WFDC3: variants seen among roughly 807,000 people sequenced by gnomAD.
WFDC3 encodes the protein WAP four-disulfide core domain 3, also known as WAP four-disulfide core domain protein 3.
WFDC3 carries 15 observed loss-of-function variants against 25.8 expected under a neutral mutation model. The ratio of observed to expected loss-of-function variants is 0.58; its 90% CI spans 0.39 to 0.89. WFDC3 has a LOEUF of 0.89. WFDC3 is among the 40% of genes least tolerant of loss of function. The pLI, the probability that WFDC3 is intolerant of heterozygous loss-of-function variation, is 0.00. For missense variants in WFDC3, 264 were observed against 289.8 expected, an observed-to-expected ratio of 0.91 and a Z score of 0.65; for synonymous variants, 103 against 107.1, an observed-to-expected ratio of 0.96 and a Z score of 0.24.
chr20:45,781,858 T>A (rs1601013842), intron 4 of WFDC3, among the ~76,000 whole-genome samples: 1 of 152,124 alleles, frequency 6.6e-6, no homozygotes, highest in South Asian at 2.1e-4. Flanking sequence ...AAATCCAAGT[T>A]CCCAGAAGCC....
chr20:45,786,216 C>T (rs1980661486), intron 4 of WFDC3, among the ~76,000 whole-genome samples: 1 of 152,058 alleles, frequency 6.6e-6, no homozygotes, highest in Admixed American at 6.6e-5. Flanking sequence ...ATGGTGAGAC[C>T]CCATCTCTCC....
chr20:45,776,346 G>A (rs1337101132), intron 5 of WFDC3, among the ~76,000 whole-genome samples: 1 of 142,404 alleles, frequency 7.0e-6, no homozygotes, highest in Non-Finnish European at 1.5e-5. Flanking sequence ...GGTGGCTCAC[G>A]CCTGTAATTC....
At chr20:45,779,635 C>T (rs1980349517) in intron 4 of WFDC3, among the ~76,000 whole-genome samples, 1 of 152,144 alleles carries the variant, frequency 6.6e-6, no homozygotes, top group Non-Finnish European at 1.5e-5. Context: ...TTCTATCTCA[C>T]AGCTGAGAAG....
rs1980088320 is a variant in WFDC3 at position 45,775,434 on chromosome 20, C to T, written c.662G>A (p.Arg221Lys). 3 of 1,614,040 alleles carry T rather than the reference C, an allele frequency of 1.9e-6. No homozygotes were observed. The highest frequency in any genetic ancestry group is 1.3e-5 in the African/African-American group (1 of 74,932). ...KLTMNPNWTVRSDSELEIPVP is the reference protein window; with the variant it reads ...KLTMNPNWTVKSDSELEIPVP ...GTACTCACCTAATTCGGAATCAGAC[C>T]TCACAGTCCAGTTGGGGTTCATGGT... is the stretch of plus-strand genomic sequence containing the variant. The change falls in exon 6 of 7, where the codon AGG becomes AAG. Residue 221 changes from arginine to lysine, a missense_variant. By Grantham distance (26) the Arg-to-Lys change is conservative. Transcript: ENST00000243938.
rs561215378 is a variant in WFDC3, at chr20:45,789,929, C to T, written c.47G>A (p.Gly16Glu). The T allele has an allele frequency of 6.1e-5, 99 of 1,613,902 alleles. No individual in the cohort carries two copies. The highest frequency in any genetic ancestry group is 1.1e-4 in the East Asian group (5 of 44,882). The change falls in exon 2 of 7, where the codon GGG (glycine) becomes GAG (glutamate). Residue 16 changes from glycine to glutamate, a missense_variant. Coordinates refer to ENST00000243938, the MANE Select transcript of WFDC3 (RefSeq NM_080614.2). The part of the protein sequence containing the change: ...LFLLKALLAL[G>E]SLESWITAGE... Reference sequence around the variant, plus strand: ...TGCAGTTATCCAGGATTCCAGAGACCCAAGAGCAAGAAGTGCCTTCAGAAG... The same window carrying T: ...TGCAGTTATCCAGGATTCCAGAGACTCAAGAGCAAGAAGTGCCTTCAGAAG...
At chr20:45,784,039 T>C (rs1199812865) in intron 4 of WFDC3, among the ~76,000 whole-genome samples, 10 of 152,232 alleles carry the variant, frequency 6.6e-5, no homozygotes, top group Non-Finnish European at 4.4e-5. Flanking sequence ...CTATCTGGGC[T>C]GGCCAGGGGC....
At chr20:45,780,951 C>T (rs1980414243) in intron 4 of WFDC3, among the ~76,000 whole-genome samples, 1 of 151,998 alleles carries the variant, frequency 6.6e-6, no homozygotes, top group African/African-American at 2.4e-5. Flanking sequence ...CTTTAAACCA[C>T]ATCATGGGCC....
rs1216012810 is a variant in WFDC3, at chr20:45,789,945, C to T, written c.31G>A (p.Ala11Thr). MMLSCLFLLK[A>T]LLALGSLESW... ...TCCAGAGACCCAAGAGCAAGAAGTG[C>T]CTTCAGAAGAAAGAGGCAGCTTAAC... The change falls in exon 2 of 7, where the codon GCA (alanine) becomes ACA (threonine). Residue 11 changes from alanine to threonine, a missense_variant. By Grantham distance (58) the Ala-to-Thr change is moderately conservative. Transcript: ENST00000243938. The T allele has an allele frequency of 7.4e-6, 12 of 1,614,102 alleles. No individual in the cohort carries two copies. The highest frequency in any genetic ancestry group is 1.0e-5 in the Non-Finnish European group (12 of 1,180,000).
chr20:45,782,247 C>A (rs991381195), intron 4 of WFDC3, among the ~76,000 whole-genome samples: 2 of 152,190 alleles, frequency 1.3e-5, no homozygotes, highest in African/African-American at 4.8e-5. Flanking sequence ...CTTGATACCC[C>A]GTCTCCCTCA....
intron 4 of WFDC3, among the ~76,000 whole-genome samples, chr20:45,783,785 G>A (rs1028767989): frequency 2.2e-4 from 33 of 152,142 alleles, no homozygotes; most frequent in African/African-American, 5.5e-4. Flanking sequence ...TAAGGAAAGC[G>A]AAATTTTTCA....
chr20:45,774,501 A>G (rs568514781), intron 6 of WFDC3, 57 bp from the exon 7 acceptor site: 20 of 1,613,382 alleles, frequency 1.2e-5, no homozygotes, highest in Non-Finnish European at 1.4e-5. Flanking sequence ...CAGCTACCTG[A>G]AATGTTTTCC....
rs529787248 is a variant in WFDC3, at chr20:45,782,676, G to A, written c.358+5160C>T. Among the ~76,000 whole-genome samples, 135 of 152,088 alleles carry A rather than the reference G, an allele frequency of 8.9e-4. 2 individuals carry two copies. The highest frequency in any genetic ancestry group is 3.2e-3 in the African/African-American group (131 of 41,490). On this transcript the variant is annotated intron_variant, in intron 4 of 6. Coordinates refer to ENST00000243938, the MANE Select transcript of WFDC3 (RefSeq NM_080614.2). ...CAGGCATCAGCCACTGCGTTCGGCC[G>A]CCTTCCATTTTTCTATGTCTGCAGT...
At chr20:45,774,679 T>C (rs918100609) in intron 6 of WFDC3, among the ~76,000 whole-genome samples, 2 of 152,170 alleles carry the variant, frequency 1.3e-5, no homozygotes, top group East Asian at 1.9e-4. Context: ...CAGTGGCTCA[T>C]GCCTGTAATC....
chr20:45,785,673 G>GTA (rs1006540075), intron 4 of WFDC3, among the ~76,000 whole-genome samples: 1 of 151,984 alleles, frequency 6.6e-6, no homozygotes, highest in African/African-American at 2.4e-5. Context: ...ATAAGCAAAA[G>GTA]TAGCCATGAA....
At chr20:45,788,092 T>A in intron 3 of WFDC3, 110 bp from the exon 4 acceptor site, 1 of 1,213,272 alleles carries the variant, frequency 8.2e-7, no homozygotes, top group South Asian at 1.7e-5. Flanking sequence ...TCACCTGAGG[T>A]AGGGAGTTCG....
At chr20:45,779,839 A>G (rs1026531613) in intron 4 of WFDC3, 1 of 152,220 alleles carries the variant, frequency 6.6e-6, no homozygotes, top group African/African-American at 2.4e-5. Context: ...GGCATGGAGC[A>G]CTTACCTCTA....
Position 45,787,856 on chromosome 20 carries a change from G to A in WFDC3, c.338C>T (p.Pro113Leu). Residue 113 changes from proline (P) to leucine (L), a missense_variant, in exon 4 of 7, where the codon CCA becomes CTA. Physicochemically the swap from Pro to Leu is moderately conservative, Grantham distance 98. Coordinates refer to ENST00000243938, the MANE Select transcript of WFDC3 (RefSeq NM_080614.2). Reference protein sequence around the residue: ...TLGCNKSCVVPISKQKLAEFG... With the variant: ...TLGCNKSCVVLISKQKLAEFG... ...CTTACCCAGCTTCTGTTTAGAGATT[G>A]GGACTACACAGCTCTTGTTGCAGCC... 1.2e-6 allele frequency: 2 copies of A among 1,613,316 alleles called. No individual in the cohort carries two copies. The highest frequency in any genetic ancestry group is 8.5e-7 in the Non-Finnish European group (1 of 1,179,652).
intron 4 of WFDC3, 44 bp from the exon 5 acceptor site, chr20:45,777,253 A>G: frequency 7.0e-7 from 1 of 1,433,734 alleles, no homozygotes; most frequent in Non-Finnish European, 9.2e-7. Flanking sequence ...TCACAATATG[A>G]AACACATTTT....
intron 3 of WFDC3, 66 bp downstream of exon 3, chr20:45,788,865 A>C: frequency 6.5e-7 from 1 of 1,538,260 alleles, no homozygotes; most frequent in South Asian, 1.3e-5. Context: ...GAAGCTCTCT[A>C]CTTCCATCTA....
Sources: allele counts gnomAD v4.1 joint callset (sites outside exome capture counted in the v4.1 genomes callset), GRCh38; gene constraint gnomAD v4.1.1; transcripts MANE v1.5; gene names NCBI Gene and HGNC (gene_info 2026-07-23, HGNC 2026-07-21).